Variants in MIER1 observed in about 807,000 individuals in gnomAD.
MIER1 encodes MIER1 transcriptional regulator, also known as mesoderm induction early response protein 1.
In MIER1, 40 loss-of-function variants were observed where a neutral mutation model predicts 75.7. That is an observed-to-expected ratio of 0.53 (90% confidence interval 0.41 to 0.69). The LOEUF (loss-of-function observed/expected upper bound fraction) is 0.69, where lower values mean the gene tolerates loss of function less well. Ranked by LOEUF, MIER1 falls within the 30% of genes least tolerant of loss-of-function variation. MIER1 has a pLI of 0.00. For missense variants in MIER1, 574 were observed against 680.2 expected (o/e 0.84, Z 1.74); for synonymous variants, 213 against 223.4 (o/e 0.95, Z 0.42).
At chr1:66,964,159 C>T (rs867551926) in intron 8 of MIER1, among the ~76,000 whole-genome samples, 7 of 150,568 alleles carry the variant, frequency 4.6e-5, no homozygotes, top group African/African-American at 1.5e-4. Context: ...GCAACCTCCA[C>T]CTCCTGGGTT....
chr1:66,941,039 G>A (rs1325988795), intron 3 of MIER1, among the ~76,000 whole-genome samples: 3 of 152,174 alleles, frequency 2.0e-5, no homozygotes, highest in African/African-American at 7.2e-5. Context: ...GATTATTGAA[G>A]CAATCACCTT....
At position 66,925,190 on chromosome 1, in the gene MIER1, C is replaced by T. The variant is rs568320075; in HGVS notation, c.67+95C>T. ...CCTCAGTCCCCTTTCTCTCCTTCCC[C>T]TCCCCCACGGCAGTGTACCGCCCGG... On this transcript the variant is annotated intron_variant, in intron 1 of 13. Coordinates refer to ENST00000401041, the MANE Select transcript of MIER1 (RefSeq NM_001077700.3). 4.8e-6 allele frequency: 7 copies of T among 1,462,796 alleles called. No homozygotes were observed. The Admixed American group carries it at 1.5e-4, about 31-fold the overall frequency. 90.6% of individuals were successfully genotyped at this position (1,462,796 alleles called of 1,614,324 possible). A position where few individuals can be genotyped will look rare whatever the true frequency, so the allele number is the denominator to read the frequency against.
chr1:66,932,805 T>A (rs949500261), intron 2 of MIER1: 3 of 152,052 alleles, frequency 2.0e-5, no homozygotes, highest in African/African-American at 7.2e-5. Context: ...TGAAGAAGTA[T>A]GTCTCCAGAG....
intron 4 of MIER1, among the ~76,000 whole-genome samples, chr1:66,957,587 G>GTTTTT (rs770503779): frequency 2.3e-4 from 23 of 99,242 alleles, no homozygotes; most frequent in Non-Finnish European, 3.4e-4. Context: ...GTTTGTTTGT[G>GTTTTT]TTTTTTTTTT....
chr1:66,955,873 T>C (rs2101659025), intron 4 of MIER1, among the ~76,000 whole-genome samples: 1 of 152,266 alleles, frequency 6.6e-6, no homozygotes, highest in East Asian at 1.9e-4. Context: ...TTAAGAAACG[T>C]TACATGACCT....
At position 66,987,437 on chromosome 1, in the gene MIER1, A is replaced by AT. The variant is rs11418306; in HGVS notation, c.*2541dup. The AT allele has an allele frequency of 0.039, 5,943 of 152,542 alleles. 127 individuals carry two copies. The highest frequency in any genetic ancestry group is 0.054 in the Non-Finnish European group (3,638 of 67,852). 9.4% of individuals were successfully genotyped at this position (152,542 alleles called of 1,614,324 possible). ...ACTATCATTTTCATTTGGAATGGGT[A>AT]TTTTCTGTTTCATGATGTATTTTCA... is the stretch of plus-strand genomic sequence containing the variant. On this transcript the variant is annotated 3_prime_UTR_variant, in exon 14 of 14. Transcript: ENST00000401041.
chr1:66,946,607 C>T (rs1485387070), intron 4 of MIER1: 5 of 1,021,160 alleles, frequency 4.9e-6, no homozygotes, highest in Non-Finnish European at 5.9e-6. Flanking sequence ...TATCCTTTGT[C>T]CTTCCCCAGT....
At chr1:66,967,797 A>G (rs1662733375) in intron 8 of MIER1, among the ~76,000 whole-genome samples, 1 of 152,086 alleles carries the variant, frequency 6.6e-6, no homozygotes, top group Non-Finnish European at 1.5e-5. Context: ...TCCTTTTCAG[A>G]ATGTTGACTT....
chr1:66,985,756 T>C lies in MIER1; in HGVS notation c.*856T>C, dbSNP rs1666686994. ...TCTAATGAATTTTTAAGTGTTTGTG[T>C]AGTAATTAAGTCATATTTCTTATCC... On this transcript the variant is annotated 3_prime_UTR_variant, in exon 14 of 14. Coordinates refer to ENST00000401041, the MANE Select transcript of MIER1 (RefSeq NM_001077700.3). The C allele has an allele frequency of 1.0e-6, 1 of 967,370 alleles. No individual in the cohort carries two copies. The highest frequency in any genetic ancestry group is 1.2e-6 in the Non-Finnish European group (1 of 813,866). 59.9% of individuals were successfully genotyped at this position (967,370 alleles called of 1,614,324 possible). A position where few individuals can be genotyped will look rare whatever the true frequency, so the allele number is the denominator to read the frequency against.
Position 66,974,779 on chromosome 1 carries a change from C to T in MIER1, c.1101+1788C>T, listed in dbSNP as rs148851637. Among the ~76,000 whole-genome samples, 724 of 152,128 alleles carry T rather than the reference C, an allele frequency of 4.8e-3. 12 individuals are homozygous for T. Among genetic ancestry groups the T allele is most frequent in the Admixed American group, 0.027 (416 of 15,292 alleles). ...GGACAGTAATTCTTTAAAAGGGAGA[C>T]GAGTACTCTAGTGAGAATATCGAGT... On this transcript the variant is annotated intron_variant, in intron 11 of 13. Transcript: ENST00000401041.
At chr1:66,941,970 C>CA (rs10627197) in intron 3 of MIER1, among the ~76,000 whole-genome samples, 90,669 of 130,238 alleles carry the variant, frequency 0.7, 31,102 homozygotes, top group East Asian at 0.85. Flanking sequence ...CTCCTTCTCT[C>CA]AAAAAAAAAA....
At chr1:66,926,833 CCA>C (rs1409304213) in intron 2 of MIER1, among the ~76,000 whole-genome samples, 2 of 151,976 alleles carry the variant, frequency 1.3e-5, no homozygotes, top group Admixed American at 6.6e-5. Flanking sequence ...TCAGCTAACC[CCA>C]GAGTCTAAAT....
chr1:66,949,680 C>A (rs1214463952), intron 4 of MIER1, among the ~76,000 whole-genome samples: 2 of 152,122 alleles, frequency 1.3e-5, no homozygotes, highest in Admixed American at 6.5e-5. Context: ...TAGGTTTGAA[C>A]CAAACAAAAT....
intron 3 of MIER1, 127 bp downstream of exon 3, chr1:66,940,179 G>T (rs1289596506): frequency 6.6e-6 from 4 of 609,938 alleles, no homozygotes; most frequent in African/African-American, 3.8e-5. Flanking sequence ...TTTCTCTGGG[G>T]AAAAAGAAAT....
chr1:66,964,474 T>G (rs544604935), intron 8 of MIER1, among the ~76,000 whole-genome samples: 2 of 127,524 alleles, frequency 1.6e-5, no homozygotes. Flanking sequence ...TTTTTTGAGA[T>G]AGAGTTTTGC....
intron 1 of MIER1, chr1:66,925,650 C>T (rs1189883802): frequency 2.2e-5 from 14 of 646,546 alleles, no homozygotes; most frequent in Middle Eastern, 7.8e-4. Context: ...GGGAGGATCC[C>T]TTGGGACAGA....
At chr1:66,959,454 T>C (rs920750471) in intron 6 of MIER1, among the ~76,000 whole-genome samples, 1 of 152,156 alleles carries the variant, frequency 6.6e-6, no homozygotes, top group Non-Finnish European at 1.5e-5. Flanking sequence ...TAAGTTTTTA[T>C]AGGAAATCAT....
chr1:66,942,313 C>T (rs1346455540), intron 3 of MIER1, among the ~76,000 whole-genome samples: 1 of 152,108 alleles, frequency 6.6e-6, no homozygotes, highest in Non-Finnish European at 1.5e-5. Context: ...TCTGTAGTCT[C>T]CACCAGTGTA....
chr1:66,938,008 T>G (rs1655318329), intron 2 of MIER1, among the ~76,000 whole-genome samples: 1 of 152,234 alleles, frequency 6.6e-6, no homozygotes, highest in African/African-American at 2.4e-5. Flanking sequence ...CATTGAAACA[T>G]TCTAGTATGT....
Sources: allele counts gnomAD v4.1 joint callset (sites outside exome capture counted in the v4.1 genomes callset), GRCh38; gene constraint gnomAD v4.1.1; transcripts MANE v1.5; gene names NCBI Gene and HGNC (gene_info 2026-07-23, HGNC 2026-07-21).